EDA: variants seen among roughly 807,000 people sequenced by gnomAD.
EDA encodes the protein ectodysplasin-A.
Under a neutral mutation model 23.6 loss-of-function variants are expected in EDA, and 2 were observed. The ratio of observed to expected loss-of-function variants is 0.08; its 90% CI spans 0.03 to 0.27. The LOEUF (loss-of-function observed/expected upper bound fraction) is 0.27. Ranked by LOEUF, EDA falls within the 10% of genes least tolerant of loss-of-function variation. The probability of loss-of-function intolerance (pLI) is 1.00; values close to 1 mark genes in which losing one functional copy is unlikely to be tolerated. For synonymous variants in EDA, 131 were observed against 132.0 expected (o/e 0.99, Z 0.05); for missense variants, 229 against 324.2 (o/e 0.71, Z 2.26).
chrX:69,806,729 G>T (rs1374135598), intron 1 of EDA, among the ~76,000 whole-genome samples: 1 of 110,617 alleles, frequency 9.0e-6, no homozygotes, highest in African/African-American at 3.3e-5. Context: ...TCTGAAGGAG[G>T]AGTAGGAGTT....
chrX:69,960,014 C>T (rs749703972), intron 2 of EDA, among the ~76,000 whole-genome samples: 1 of 111,524 alleles, frequency 9.0e-6, no homozygotes, highest in Non-Finnish European at 1.9e-5. Context: ...GCCTTGTTGG[C>T]CAAGGTAAGG....
At chrX:69,958,825 C>G (rs1315713428) in intron 2 of EDA, among the ~76,000 whole-genome samples, 1 of 111,303 alleles carries the variant, frequency 9.0e-6, no homozygotes, top group Admixed American at 9.6e-5. Context: ...ATGTAAGTCT[C>G]TCCACCTTCA....
intron 1 of EDA, among the ~76,000 whole-genome samples, chrX:69,898,879 T>C (rs1283901966): frequency 8.9e-6 from 1 of 112,064 alleles, no homozygotes; most frequent in Non-Finnish European, 1.9e-5. Flanking sequence ...GTCCACTATG[T>C]TGTCTGATGT....
chrX:69,616,678 C>T lies in EDA; in HGVS notation c.370C>T (p.His124Tyr). ...QPLEPGEAAL[H>Y]SDSQDGHQMA... The stretch of plus-strand genomic sequence containing the variant: ...ATTGGAACCGGGAGAAGCCGCACTC[C>T]ACTCTGACTCCCAGGACGGGCACCA... Residue 124 changes from histidine to tyrosine, a missense_variant, in exon 1 of 8, where the codon CAC becomes TAC. Around this residue, in one of 2 missense-constraint regions of EDA, gnomAD observed 175 missense variants for 281.8 expected, o/e 0.62. Coordinates refer to ENST00000374552, the MANE Select transcript of EDA (RefSeq NM_001399.5). 8.3e-7 allele frequency: 1 copy of T among 1,211,856 alleles called. No homozygotes were observed. The highest frequency in any genetic ancestry group is 1.8e-5 in the South Asian group (1 of 56,977).
intron 1 of EDA, among the ~76,000 whole-genome samples, chrX:69,788,874 G>A (rs1199088818): frequency 8.9e-6 from 1 of 112,977 alleles, no homozygotes; most frequent in Non-Finnish European, 1.9e-5. Flanking sequence ...GGCAATGGCG[G>A]GCGCCCCTCC....
intron 1 of EDA, among the ~76,000 whole-genome samples, chrX:69,655,787 T>TATATATATATATA (rs6151315): frequency 5.7e-4 from 50 of 88,282 alleles, no homozygotes; most frequent in East Asian, 1.3e-3. Flanking sequence ...TATATATATA[T>TATATATATATATA]TGCACTTTGT....
intron 1 of EDA, among the ~76,000 whole-genome samples, chrX:69,904,265 A>G (rs1010126966): frequency 2.7e-5 from 3 of 112,238 alleles, no homozygotes; most frequent in Non-Finnish European, 5.6e-5. Context: ...ATTGTTAACT[A>G]TAATTGACCT....
chrX:70,028,147 A>C (rs1602618610), intron 4 of EDA, 111 bp downstream of exon 4: 1 of 1,116,363 alleles, frequency 9.0e-7, no homozygotes, highest in East Asian at 3.3e-5. Context: ...GTTGGTGTGC[A>C]ATAAGGGATG....
At chrX:70,029,023 C>A (rs2020161031) in intron 4 of EDA, among the ~76,000 whole-genome samples, 1 of 112,543 alleles carries the variant, frequency 8.9e-6, no homozygotes, top group African/African-American at 3.2e-5. Flanking sequence ...ATATTGAGCA[C>A]TTTCTGTATA....
chrX:69,761,298 A>T (rs181990237), intron 1 of EDA, among the ~76,000 whole-genome samples: 1 of 111,100 alleles, frequency 9.0e-6, no homozygotes, highest in Non-Finnish European at 1.9e-5. Context: ...GATGATGAAA[A>T]AGCTGAGATA....
rs1056486058 is a variant in EDA, at chrX:69,616,203, A to G, written c.-106A>G. ...CTGTCGCGCAGGAACGGGTCCCTGC[A>G]GCCCCCAGCCGATGGCAGGACAGTA... On this transcript the variant is annotated 5_prime_UTR_variant, in exon 1 of 8. Coordinates refer to ENST00000374552, the MANE Select transcript of EDA (RefSeq NM_001399.5). 2 of 987,708 alleles carry G rather than the reference A, an allele frequency of 2.0e-6. No individual in the cohort carries two copies. The highest frequency in any genetic ancestry group is 2.7e-6 in the Non-Finnish European group (2 of 733,290). 81.4% of individuals were successfully genotyped at this position (987,708 alleles called of 1,213,427 possible). A position where few individuals can be genotyped will look rare whatever the true frequency, so the allele number is the denominator to read the frequency against.
intron 2 of EDA, chrX:69,957,484 A>AC (rs2019028391): frequency 3.4e-4 from 61 of 177,512 alleles, no homozygotes; most frequent in Middle Eastern, 2.1e-3. Context: ...ATCTCAAAAA[A>AC]AAAAAAACAA....
intron 1 of EDA, among the ~76,000 whole-genome samples, chrX:69,784,731 C>T (rs1176487432): frequency 7.2e-4 from 75 of 104,278 alleles, no homozygotes; most frequent in African/African-American, 2.6e-3. Context: ...AGTGTGATGC[C>T]TCCAGCTTTG....
intron 1 of EDA, among the ~76,000 whole-genome samples, chrX:69,634,298 A>G (rs1360076887): frequency 9.0e-6 from 1 of 110,840 alleles, no homozygotes; most frequent in Non-Finnish European, 1.9e-5. Context: ...CTCCCATTCT[A>G]TGTGTTGTAG....
intron 1 of EDA, among the ~76,000 whole-genome samples, chrX:69,787,898 G>T (rs974153095): frequency 7.2e-5 from 8 of 111,538 alleles, no homozygotes; most frequent in Non-Finnish European, 1.3e-4. Flanking sequence ...TTCCAACTTG[G>T]CTCCATTCTC....
Position 69,961,163 on chromosome X carries a change from C to T in EDA, c.502+4031C>T, listed in dbSNP as rs762131877. On this transcript the variant is annotated intron_variant, in intron 2 of 7. Coordinates refer to ENST00000374552, the MANE Select transcript of EDA (RefSeq NM_001399.5). ...CTAATTTTTGTATTTTTAGTAGAGA[C>T]TGGGTTTCACTATGTTGGCCAGGCT... Among the ~76,000 whole-genome samples, 6 of 111,790 alleles carry T rather than the reference C, an allele frequency of 5.4e-5. No individual in the cohort carries two copies. The South Asian group carries it at 2.3e-3, about 42-fold the overall frequency.
At chrX:69,800,895 A>G (rs770155731) in intron 1 of EDA, among the ~76,000 whole-genome samples, 5 of 111,523 alleles carry the variant, frequency 4.5e-5, no homozygotes, top group Non-Finnish European at 7.5e-5. Flanking sequence ...ATTTACCAAC[A>G]CAAGAACCAT....
intron 1 of EDA, among the ~76,000 whole-genome samples, chrX:69,711,336 A>G (rs1369264552): frequency 9.0e-6 from 1 of 111,548 alleles, no homozygotes; most frequent in Non-Finnish European, 1.9e-5. Context: ...CATCCCAGGG[A>G]TGAAGCCCAC....
At position 70,009,856 on chromosome X, in the gene EDA, C is replaced by T. The variant is rs142936463; in HGVS notation, c.503-13362C>T. On this transcript the variant is annotated intron_variant, in intron 2 of 7. Transcript: ENST00000374552. ...CCCGTCTCAGCTTCCCGAAGTGCTACGATTACAGATATGAGCCACTGCACC... is the reference window on the plus strand; with the variant it reads ...CCCGTCTCAGCTTCCCGAAGTGCTATGATTACAGATATGAGCCACTGCACC... Among the ~76,000 whole-genome samples, 291 of 111,820 alleles carry T rather than the reference C, an allele frequency of 2.6e-3. 5 individuals carry two copies. The highest frequency in any genetic ancestry group is 9.2e-3 in the African/African-American group (282 of 30,771).
Sources: allele counts gnomAD v4.1 joint callset (sites outside exome capture counted in the v4.1 genomes callset), GRCh38; gene constraint gnomAD v4.1.1; regional missense constraint gnomAD v4.1.1; transcripts MANE v1.5; gene names NCBI Gene and HGNC (gene_info 2026-07-23, HGNC 2026-07-21).